Variants in SCN7A observed in about 807,000 individuals in gnomAD.
SCN7A encodes sodium voltage-gated channel alpha subunit 7.
A neutral mutation model predicts 155.2 loss-of-function variants in SCN7A; 138 were observed. That is an observed-to-expected ratio of 0.89 (90% CI 0.77 to 1.02). The LOEUF (loss-of-function observed/expected upper bound fraction) is 1.02. Among genes scored for constraint, SCN7A ranks in the 50% least tolerant of loss-of-function variants. The pLI is 0.00. For synonymous variants in SCN7A, 693 were observed against 649.0 expected (o/e 1.07, Z -1.03); for missense variants, 2,058 against 1,986.6 (o/e 1.04, Z -0.68).
At chr2:166,412,332 T>C (rs556617833) in intron 23 of SCN7A, among the ~76,000 whole-genome samples, 198 bp downstream of exon 23, 30 of 152,256 alleles carry the variant, frequency 2.0e-4, no homozygotes, top group Admixed American at 1.9e-3. Context: ...AACTTGACTG[T>C]GTAGTACATA....
intron 19 of SCN7A, among the ~76,000 whole-genome samples, chr2:166,422,112 G>A (rs1701523143): frequency 6.6e-6 from 1 of 152,080 alleles, no homozygotes; most frequent in South Asian, 2.1e-4. Flanking sequence ...AGAGCTGAAG[G>A]CTAATTTGAA....
intron 9 of SCN7A, among the ~76,000 whole-genome samples, chr2:166,464,450 T>C (rs1702482886): frequency 6.6e-6 from 1 of 152,072 alleles, no homozygotes; most frequent in South Asian, 2.1e-4. Flanking sequence ...CCTTTATGAA[T>C]TGTAATTTTC....
chr2:166,473,491 A>C (rs182498319), intron 5 of SCN7A, among the ~76,000 whole-genome samples: 428 of 151,756 alleles, frequency 2.8e-3, no homozygotes, highest in African/African-American at 9.9e-3. Context: ...CTTACAGTCC[A>C]ATGCAAGTCA....
At position 166,475,104 on chromosome 2, in the gene SCN7A, G is replaced by GTATATA. The variant is rs370064873; in HGVS notation, c.235-766_235-761dup. Among the ~76,000 whole-genome samples the GTATATA allele has an allele frequency of 1.4e-3, 121 of 85,932 alleles. 1 individual carries two copies. Among genetic ancestry groups the GTATATA allele is most frequent in the African/African-American group, 3.2e-3 (86 of 26,564 alleles). The allele number at this position is 85,932 out of a possible 152,430, so 56.4% of individuals were successfully genotyped here. The stretch of plus-strand genomic sequence containing the variant: ...TGTATATATATATACACATATATAT[G>GTATATA]TATATATATATATATACATATATAT... On this transcript the variant is annotated intron_variant, in intron 3 of 25. Transcript: ENST00000643258.
At chr2:166,443,829 T>C (rs1442204317) in intron 13 of SCN7A, among the ~76,000 whole-genome samples, 153 bp from the exon 14 acceptor site, 1 of 152,184 alleles carries the variant, frequency 6.6e-6, no homozygotes, top group Non-Finnish European at 1.5e-5. Context: ...AGAGTCTGCA[T>C]TGTAAGGACA....
Position 166,470,596 on chromosome 2 carries a change from A to G in SCN7A, c.664+19T>C, listed in dbSNP as rs760192712. 6.3e-6 allele frequency: 10 copies of G among 1,581,090 alleles called. No homozygotes were observed. Among genetic ancestry groups the G allele is most frequent in the Non-Finnish European group, 8.6e-6 (10 of 1,159,536 alleles). Reference sequence around the variant, plus strand: ...ACATAAAACAAAATGAAGAAAAGACATTCAATGCAATTTCTTACCTTGATT... The same window carrying G: ...ACATAAAACAAAATGAAGAAAAGACGTTCAATGCAATTTCTTACCTTGATT... On this transcript the variant is annotated intron_variant, in intron 7 of 25. Transcript: ENST00000643258.
Position 166,406,598 on chromosome 2 carries a change from A to C in SCN7A, c.4031T>G (p.Leu1344Arg). ...CCGTGAGAGAAGTATCAGTTGCACA[A>C]GTGAAGGAGGCACAAGGTAGGATCC... ...TVGSYLVPPS[L>R]VQLILLSRII... The change falls in exon 26 of 26, where the codon CTT becomes CGT. Residue 1344 changes from leucine to arginine, a missense_variant. Leu to Arg is a moderately radical substitution (Grantham distance 102, BLOSUM62 -2). Coordinates refer to ENST00000643258, the MANE Select transcript of SCN7A (RefSeq NM_002976.4). 1 of 1,612,082 alleles carries C rather than the reference A, an allele frequency of 6.2e-7. No homozygotes were observed. The highest frequency in any genetic ancestry group is 1.7e-5 in the Admixed American group (1 of 59,830).
At chr2:166,420,549 G>C (rs1701489914) in intron 20 of SCN7A, among the ~76,000 whole-genome samples, 1 of 151,982 alleles carries the variant, frequency 6.6e-6, no homozygotes, top group Non-Finnish European at 1.5e-5. Context: ...CGAGCATTAT[G>C]GGATTTCCAT....
intron 1 of SCN7A, among the ~76,000 whole-genome samples, chr2:166,492,408 C>T (rs762701699): frequency 9.9e-5 from 15 of 152,096 alleles, no homozygotes; most frequent in African/African-American, 2.9e-4. Flanking sequence ...TGTTAAGTAA[C>T]GGGCCAAATA....
intron 10 of SCN7A, 79 bp from the exon 11 acceptor site, chr2:166,457,155 CA>C (rs1341963063): frequency 3.9e-6 from 4 of 1,023,550 alleles, no homozygotes; most frequent in East Asian, 5.2e-5. Flanking sequence ...AAATAAAAGG[CA>C]AAATTTTATT....
chr2:166,409,505 C>T (rs780439382), intron 25 of SCN7A, among the ~76,000 whole-genome samples, 160 bp downstream of exon 25: 1 of 151,850 alleles, frequency 6.6e-6, no homozygotes. Context: ...AAATGTGAAG[C>T]ATTCCTGTTG....
intron 14 of SCN7A, 59 bp from the exon 15 acceptor site, chr2:166,441,811 T>C: frequency 7.6e-7 from 1 of 1,324,132 alleles, no homozygotes; most frequent in South Asian, 1.4e-5. Context: ...TTGGTCAGTG[T>C]ATATTACAAG....
chr2:166,453,976 A>G (rs1248854613), intron 11 of SCN7A, among the ~76,000 whole-genome samples: 2 of 152,186 alleles, frequency 1.3e-5, no homozygotes, highest in African/African-American at 2.4e-5. Context: ...ATCTTCCAGG[A>G]AAAGAAATGG....
At position 166,444,898 on chromosome 2, in the gene SCN7A, A is replaced by G. The variant is rs1173548094; in HGVS notation, c.1490T>C (p.Phe497Ser). The G allele has an allele frequency of 5.0e-6, 8 of 1,613,186 alleles. No individual in the cohort carries two copies. Among genetic ancestry groups the G allele is most frequent in the Non-Finnish European group, 6.8e-6 (8 of 1,179,408 alleles). ...TGGTGCCATTATAATCCTATGGACA[A>G]ACTCTTTCAATTTTAACCAACAGGG... ...CSPCWLKLKE[F>S]VHRIIMAPFT... Residue 497 changes from phenylalanine to serine, a missense_variant, in exon 13 of 26, where the codon TTT (phenylalanine) becomes TCT (serine). Physicochemically the swap from Phe to Ser is radical, Grantham distance 155. Transcript: ENST00000643258.
At chr2:166,436,347 CT>C in intron 15 of SCN7A, 1 of 411,794 alleles carries the variant, frequency 2.4e-6, no homozygotes, top group Non-Finnish European at 4.9e-6. Context: ...CTTACCCCAC[CT>C]TCACTCTGCA....
chr2:166,451,167 G>A (rs985333196), intron 11 of SCN7A, among the ~76,000 whole-genome samples: 4 of 152,292 alleles, frequency 2.6e-5, no homozygotes, highest in African/African-American at 9.6e-5. Flanking sequence ...GGGGAATAAA[G>A]TACATGGTAA....
At chr2:166,431,826 T>C (rs1701737477) in intron 16 of SCN7A, among the ~76,000 whole-genome samples, 1 of 152,076 alleles carries the variant, frequency 6.6e-6, no homozygotes, top group African/African-American at 2.4e-5. Context: ...ATTCAAATCT[T>C]AGAATTTTAG....
intron 16 of SCN7A, among the ~76,000 whole-genome samples, chr2:166,430,425 ATATT>A (rs1162819982): frequency 6.6e-6 from 1 of 151,864 alleles, no homozygotes; most frequent in Non-Finnish European, 1.5e-5. Flanking sequence ...CTGTAGCAAT[ATATT>A]TATTTGAGAC....
At chr2:166,492,965 T>A (rs1683147014) in intron 1 of SCN7A, among the ~76,000 whole-genome samples, 1 of 152,216 alleles carries the variant, frequency 6.6e-6, no homozygotes, top group Admixed American at 6.5e-5. Flanking sequence ...GACTTGTTCA[T>A]TGGACTTCCC....
Sources: allele counts gnomAD v4.1 joint callset (sites outside exome capture counted in the v4.1 genomes callset), GRCh38; gene constraint gnomAD v4.1.1; transcripts MANE v1.5; gene names NCBI Gene and HGNC (gene_info 2026-07-23, HGNC 2026-07-21).